The following FEM1B variants were observed in gnomAD, a reference collection of about 807,000 sequenced individuals.
FEM1B encodes protein fem-1 homolog B.
A neutral mutation model predicts 38.6 loss-of-function variants in FEM1B; 10 were observed. That is an observed-to-expected ratio of 0.26 (90% CI 0.16 to 0.44). The LOEUF is 0.44. FEM1B is among the 20% of genes least tolerant of loss of function. The pLI, the probability that FEM1B is intolerant of heterozygous loss-of-function variation, is 1.00. For missense variants in FEM1B, 471 were observed against 786.7 expected (o/e 0.60, Z 4.80); for synonymous variants, 288 against 288.0 (o/e 1.00, Z 0.00).
In FEM1B at chr15:68,281,686, CG is replaced by C. The variant is rs1356640035; in HGVS notation, c.248+3023del. ...GGGCTGGAGTGCAGTGGCGCGATCT[CG>C]GCTCACTGCAAGCTCTGCCTTCCGG... is the stretch of plus-strand genomic sequence containing the variant. On this transcript the variant is annotated intron_variant, in intron 1 of 1. Coordinates refer to ENST00000306917, the MANE Select transcript of FEM1B (RefSeq NM_015322.5). The surrounding 1 kb of genome is among the most constrained non-coding windows in gnomAD (Gnocchi z 5.1). Among the ~76,000 whole-genome samples, 1 of 152,068 alleles carries C rather than the reference CG, an allele frequency of 6.6e-6. No homozygotes were observed. The highest frequency in any genetic ancestry group is 1.5e-5 in the Non-Finnish European group (1 of 68,020).
Position 68,290,734 on chromosome 15 carries a change from G to A in FEM1B, c.1376G>A (p.Cys459Tyr), listed in dbSNP as rs1304252023. 7 of 1,613,988 alleles carry A rather than the reference G, an allele frequency of 4.3e-6. No homozygotes were observed. The Admixed American group carries it at 8.3e-5, about 19-fold the overall frequency. Residue 459 changes from cysteine (C) to tyrosine (Y), a missense_variant, in exon 2 of 2, where the codon TGC becomes TAC. By Grantham distance (194) the Cys-to-Tyr change is radical. Coordinates refer to ENST00000306917, the MANE Select transcript of FEM1B (RefSeq NM_015322.5). This position sits in a 1 kb window ranked among gnomAD's most constrained non-coding sequence, Gnocchi z 9.7. ...GTGTGCATCTCTACCAAAACACAGTGCAGCGAAGAAGATCAGTGCAAAATT... is the reference window on the plus strand; with the variant it reads ...GTGTGCATCTCTACCAAAACACAGTACAGCGAAGAAGATCAGTGCAAAATT... ...YLVCISTKTQ[C>Y]SEEDQCKINK...
chr15:68,278,361 G>A lies in FEM1B; in HGVS notation c.-57G>A, dbSNP rs1892686064. The A allele has an allele frequency of 1.9e-6, 3 of 1,565,344 alleles. No individual in the cohort carries two copies. The highest frequency in any genetic ancestry group is 2.7e-5 in the African/African-American group (2 of 73,764). On this transcript the variant is annotated 5_prime_UTR_variant, in exon 1 of 2. Coordinates refer to ENST00000306917, the MANE Select transcript of FEM1B (RefSeq NM_015322.5). The surrounding 1 kb of genome is among the most constrained non-coding windows in gnomAD (Gnocchi z 5.7). ...AAGCGCTGGCGAACGCGGCCTCCGG[G>A]GGCGCACGGCAGCTGCAGCGGTGGC... is the stretch of plus-strand genomic sequence containing the variant.
chr15:68,290,529 G>A lies in FEM1B; in HGVS notation c.1171G>A (p.Val391Ile), dbSNP rs1316624666. The change falls in exon 2 of 2, where the codon GTT becomes ATT. Residue 391 changes from valine (V) to isoleucine (I), a missense_variant. Coordinates refer to ENST00000306917, the MANE Select transcript of FEM1B (RefSeq NM_015322.5). The surrounding 1 kb of genome is among the most constrained non-coding windows in gnomAD (Gnocchi z 9.7). ...THKDLLRFAQ[V>I]FSQMIHLNET... is the part of the protein sequence containing the mutation. Reference sequence around the variant, plus strand: ...CAAGGATCTTCTTCGATTTGCTCAAGTTTTCTCACAAATGATACATTTGAA... The same window carrying A: ...CAAGGATCTTCTTCGATTTGCTCAAATTTTCTCACAAATGATACATTTGAA... 1.9e-6 allele frequency: 3 copies of A among 1,614,164 alleles called. No homozygotes were observed. The highest frequency in any genetic ancestry group is 2.5e-6 in the Non-Finnish European group (3 of 1,180,022).
At position 68,277,749 on chromosome 15, in the gene FEM1B, C is replaced by G. The variant is rs1228090656; in HGVS notation, c.-669C>G. ...AGCGTCCCTCCCGCTCCCGCCCTCT[C>G]CTCCCGGCCCTGTCTGCGAAAGCTC... is the stretch of plus-strand genomic sequence containing the variant. On this transcript the variant is annotated 5_prime_UTR_variant, in exon 1 of 2. Transcript: ENST00000306917. The G allele has an allele frequency of 6.6e-6, 1 of 152,346 alleles. No individual in the cohort carries two copies. Among genetic ancestry groups the G allele is most frequent in the Non-Finnish European group, 1.5e-5 (1 of 68,108 alleles). 9.4% of individuals were successfully genotyped at this position (152,346 alleles called of 1,614,324 possible).
intron 1 of FEM1B, among the ~76,000 whole-genome samples, chr15:68,279,438 G>T (rs1301398841): frequency 6.6e-6 from 1 of 152,106 alleles, no homozygotes; most frequent in Non-Finnish European, 1.5e-5. Context: ...CGAATTTTTG[G>T]GTATTTGACC....
In FEM1B at chr15:68,278,453, C is replaced by T. The variant is rs1892687685; in HGVS notation, c.36C>T (p.Ala12=). 6.2e-7 allele frequency: 1 copy of T among 1,613,224 alleles called. No homozygotes were observed. The highest frequency in any genetic ancestry group is 8.5e-7 in the Non-Finnish European group (1 of 1,180,004). ...TGGCTGGCTATGTATACAAGGCGGC[C>T]AGCGAGGGCAAGGTGCTGACTCTGG... ...EGLAGYVYKA[A]SEGKVLTLAA... Residue 12 remains alanine (A), a synonymous_variant, in exon 1 of 2, where the codon GCC becomes GCT. Coordinates refer to ENST00000306917, the MANE Select transcript of FEM1B (RefSeq NM_015322.5). This position sits in a 1 kb window ranked among gnomAD's most constrained non-coding sequence, Gnocchi z 5.7.
chr15:68,291,418 C>A lies in FEM1B; in HGVS notation c.*176C>A. The A allele has an allele frequency of 1.8e-6, 1 of 546,374 alleles. No homozygotes were observed. Among genetic ancestry groups the A allele is most frequent in the Non-Finnish European group, 3.2e-6 (1 of 314,348 alleles). 33.8% of individuals were successfully genotyped at this position (546,374 alleles called of 1,614,324 possible). ...TTGCCTCATGGTAATTGATTTCAGA[C>A]AGACTTTAACAAAACCACATTGTTT... On this transcript the variant is annotated 3_prime_UTR_variant, in exon 2 of 2. Coordinates refer to ENST00000306917, the MANE Select transcript of FEM1B (RefSeq NM_015322.5). The surrounding 1 kb of genome is among the most constrained non-coding windows in gnomAD (Gnocchi z 6.9).
At position 68,278,941 on chromosome 15, in the gene FEM1B, C is replaced by A. The variant is rs181098440; in HGVS notation, c.248+276C>A. Among the ~76,000 whole-genome samples the A allele has an allele frequency of 6.6e-6, 1 of 152,140 alleles. No homozygotes were observed. Among genetic ancestry groups the A allele is most frequent in the East Asian group, 1.9e-4 (1 of 5,194 alleles). Reference sequence around the variant, plus strand: ...TGAAATCTAATAGTCGTCTTCTCTACTAGATAGTCTGTGAACAAGCCATTT... The same window carrying A: ...TGAAATCTAATAGTCGTCTTCTCTAATAGATAGTCTGTGAACAAGCCATTT... On this transcript the variant is annotated intron_variant, in intron 1 of 1. Transcript: ENST00000306917. The surrounding 1 kb of genome is among the most constrained non-coding windows in gnomAD (Gnocchi z 5.7).
rs1892880462 is a variant in FEM1B, at chr15:68,294,346, G to A, written c.*3104G>A. ...GCTTTGGTCTGCTTGTTTCTGAGAAGGGTTTTATTTCATTATACTAATAGT... is the reference window on the plus strand; with the variant it reads ...GCTTTGGTCTGCTTGTTTCTGAGAAAGGTTTTATTTCATTATACTAATAGT... On this transcript the variant is annotated 3_prime_UTR_variant, in exon 2 of 2. Transcript: ENST00000306917. The surrounding 1 kb of genome is among the most constrained non-coding windows in gnomAD (Gnocchi z 4.4). 6.6e-6 allele frequency: 1 copy of A among 152,074 alleles called. No homozygotes were observed. Among genetic ancestry groups the A allele is most frequent in the African/African-American group, 2.4e-5 (1 of 41,392 alleles). 9.4% of individuals were successfully genotyped at this position (152,074 alleles called of 1,614,324 possible).
rs1267661678 is a variant in FEM1B at position 68,277,940 on chromosome 15, G to A, written c.-478G>A. 6.5e-6 allele frequency: 1 copy of A among 154,178 alleles called. No individual in the cohort carries two copies. The highest frequency in any genetic ancestry group is 1.4e-5 in the Non-Finnish European group (1 of 69,390). 9.6% of individuals were successfully genotyped at this position (154,178 alleles called of 1,614,324 possible). On this transcript the variant is annotated 5_prime_UTR_variant, in exon 1 of 2. Coordinates refer to ENST00000306917, the MANE Select transcript of FEM1B (RefSeq NM_015322.5). ...CTCCAGTCAGGGACGGCGAAGGGCG[G>A]AAAGCGCAGGAGGAGGCAGTGTTAG...
chr15:68,290,312 G>A lies in FEM1B; in HGVS notation c.954G>A (p.Arg318=). The A allele has an allele frequency of 6.2e-7, 1 of 1,614,116 alleles. No individual in the cohort carries two copies. The stretch of plus-strand genomic sequence containing the variant: ...ATCCTCAGGAACTGGAGTCCATTCG[G>A]CAAGACAGAGATGCTCTTCATATGG... The part of the protein sequence containing the change: ...CRNPQELESI[R]QDRDALHMEG... Residue 318 remains arginine, a synonymous_variant, in exon 2 of 2, where the codon CGG becomes CGA. Transcript: ENST00000306917. The surrounding 1 kb of genome is among the most constrained non-coding windows in gnomAD (Gnocchi z 9.7).
rs1243735931 is a variant in FEM1B at position 68,290,571 on chromosome 15, C to G, written c.1213C>G (p.Pro405Ala). 2 of 1,613,996 alleles carry G rather than the reference C, an allele frequency of 1.2e-6. No individual in the cohort carries two copies. The highest frequency in any genetic ancestry group is 1.3e-5 in the African/African-American group (1 of 74,902). Residue 405 changes from proline to alanine, a missense_variant, in exon 2 of 2, where the codon CCA becomes GCA. Coordinates refer to ENST00000306917, the MANE Select transcript of FEM1B (RefSeq NM_015322.5). This position sits in a 1 kb window ranked among gnomAD's most constrained non-coding sequence, Gnocchi z 9.7. Reference protein sequence around the residue: ...MIHLNETVKAPDIECVLRCSV... With the variant: ...MIHLNETVKAADIECVLRCSV... Reference sequence around the variant, plus strand: ...ACATTTGAATGAAACTGTGAAGGCCCCAGACATAGAATGTGTTTTGAGATG... The same window carrying G: ...ACATTTGAATGAAACTGTGAAGGCCGCAGACATAGAATGTGTTTTGAGATG...
Position 68,289,896 on chromosome 15 carries a change from C to A in FEM1B, c.538C>A (p.Pro180Thr). ...VRYLLEQRAD[P>T]NAKAHCGATA... is the part of the protein sequence containing the mutation. ...ATACCTTTTAGAACAACGTGCTGATCCCAATGCCAAAGCACATTGTGGAGC... is the reference window on the plus strand; with the variant it reads ...ATACCTTTTAGAACAACGTGCTGATACCAATGCCAAAGCACATTGTGGAGC... The change falls in exon 2 of 2, where the codon CCC becomes ACC. Residue 180 changes from proline to threonine, a missense_variant. Pro to Thr is a conservative substitution (Grantham distance 38). This residue lies in a region of FEM1B where 380 missense variants were observed against 599.6 expected (regional missense o/e 0.63). Transcript: ENST00000306917. The surrounding 1 kb of genome is among the most constrained non-coding windows in gnomAD (Gnocchi z 6.9). The A allele has an allele frequency of 6.2e-7, 1 of 1,613,908 alleles. No individual in the cohort carries two copies. Among genetic ancestry groups the A allele is most frequent in the Non-Finnish European group, 8.5e-7 (1 of 1,179,910 alleles).
chr15:68,287,389 A>T (rs761340682), intron 1 of FEM1B, among the ~76,000 whole-genome samples: 4 of 152,154 alleles, frequency 2.6e-5, no homozygotes, highest in African/African-American at 4.8e-5. Flanking sequence ...AAAATGTAGG[A>T]CATTTCCAGT....
chr15:68,286,116 C>T (rs1216220112), intron 1 of FEM1B, among the ~76,000 whole-genome samples: 1 of 151,356 alleles, frequency 6.6e-6, no homozygotes, highest in African/African-American at 2.4e-5. Context: ...TATCTTGTTG[C>T]TCCATAACTA....
chr15:68,294,781 A>G lies in FEM1B; in HGVS notation c.*3539A>G, dbSNP rs747511058. 6.6e-6 allele frequency: 1 copy of G among 152,126 alleles called. No homozygotes were observed. Among genetic ancestry groups the G allele is most frequent in the Non-Finnish European group, 1.5e-5 (1 of 67,984 alleles). The allele number at this position is 152,126 out of a possible 1,614,324, so 9.4% of individuals were successfully genotyped here. A position where few individuals can be genotyped will look rare whatever the true frequency, so the allele number is the denominator to read the frequency against. On this transcript the variant is annotated 3_prime_UTR_variant, in exon 2 of 2. Coordinates refer to ENST00000306917, the MANE Select transcript of FEM1B (RefSeq NM_015322.5). This position sits in a 1 kb window ranked among gnomAD's most constrained non-coding sequence, Gnocchi z 4.4. ...TCAAATTAGATGTGTTGATGCACACATGACTATTCTGTTTTTCTCACTGAC... is the reference window on the plus strand; with the variant it reads ...TCAAATTAGATGTGTTGATGCACACGTGACTATTCTGTTTTTCTCACTGAC...
intron 1 of FEM1B, among the ~76,000 whole-genome samples, chr15:68,285,434 A>G (rs768790046): frequency 3.4e-4 from 52 of 152,228 alleles, no homozygotes; most frequent in Non-Finnish European, 1.0e-4. Context: ...AGATATTGCC[A>G]AATAGTTTCC....
At position 68,278,723 on chromosome 15, in the gene FEM1B, C is replaced by T. The variant is rs765353250; in HGVS notation, c.248+58C>T. On this transcript the variant is annotated intron_variant, in intron 1 of 1. Transcript: ENST00000306917. This position sits in a 1 kb window ranked among gnomAD's most constrained non-coding sequence, Gnocchi z 5.7. ...GCGCGCGGACTCGTTAATTCACGGG[C>T]CCTCCCCTCCCTCACCCTCTCTTAC... 7.2e-5 allele frequency: 113 copies of T among 1,573,098 alleles called. No homozygotes were observed. Among genetic ancestry groups the T allele is most frequent in the Non-Finnish European group, 9.6e-5 (110 of 1,145,782 alleles).
rs1250569822 is a variant in FEM1B, at chr15:68,280,548, G to A, written c.248+1883G>A. 6.6e-6 allele frequency among the ~76,000 whole-genome samples: 1 copy of A among 152,210 alleles called. No homozygotes were observed. Among genetic ancestry groups the A allele is most frequent in the Non-Finnish European group, 1.5e-5 (1 of 68,026 alleles). Reference sequence around the variant, plus strand: ...GGGGGGAATCTAGAAAGGCTTCACAGAGGAGGTGACGTTCGAGCTGTGTTT... The same window carrying A: ...GGGGGGAATCTAGAAAGGCTTCACAAAGGAGGTGACGTTCGAGCTGTGTTT... On this transcript the variant is annotated intron_variant, in intron 1 of 1. Coordinates refer to ENST00000306917, the MANE Select transcript of FEM1B (RefSeq NM_015322.5). The surrounding 1 kb of genome is among the most constrained non-coding windows in gnomAD (Gnocchi z 4.2).
Sources: allele counts gnomAD v4.1 joint callset (sites outside exome capture counted in the v4.1 genomes callset), GRCh38; gene constraint gnomAD v4.1.1; regional missense constraint gnomAD v4.1.1; non-coding constraint Gnocchi (gnomAD v3.1); transcripts MANE v1.5; gene names NCBI Gene and HGNC (gene_info 2026-07-23, HGNC 2026-07-21).